Variants in PTPRT observed in about 807,000 individuals in gnomAD.
PTPRT encodes the protein protein tyrosine phosphatase receptor type T.
PTPRT carries 56 observed loss-of-function variants against 176.8 expected under a neutral mutation model. The observed-to-expected ratio is 0.32, with a 90% CI of 0.26 to 0.40. The LOEUF is 0.40. Ranked by LOEUF, PTPRT falls within the 10% of genes least tolerant of loss-of-function variation. The pLI, the probability that PTPRT is intolerant of heterozygous loss-of-function variation, is 1.00. For synonymous variants in PTPRT, 783 were observed against 739.0 expected (o/e 1.06, Z -0.96); for missense variants, 1,540 against 1,908.2 (o/e 0.81, Z 3.60).
chr20:42,706,216 T>TGC (rs1473515485), intron 6 of PTPRT, among the ~76,000 whole-genome samples: 5 of 145,230 alleles, frequency 3.4e-5, no homozygotes, highest in African/African-American at 1.1e-4. Flanking sequence ...TGTGTGTGTG[T>TGC]GTATGTGTGT....
At chr20:42,584,354 T>C (rs896641880) in intron 7 of PTPRT, among the ~76,000 whole-genome samples, 4 of 152,152 alleles carry the variant, frequency 2.6e-5, no homozygotes, top group African/African-American at 9.7e-5. Context: ...CCCACTGGCC[T>C]CCCTGTTCCT....
intron 12 of PTPRT, among the ~76,000 whole-genome samples, chr20:42,289,839 A>G (rs1211951515): frequency 6.6e-6 from 1 of 152,062 alleles, no homozygotes; most frequent in Non-Finnish European, 1.5e-5. Context: ...TCTGTTTTCT[A>G]TGATCTAGAG....
intron 2 of PTPRT, among the ~76,000 whole-genome samples, chr20:42,864,833 C>G (rs1483151385): frequency 6.6e-6 from 1 of 152,164 alleles, no homozygotes; most frequent in Non-Finnish European, 1.5e-5. Flanking sequence ...ATTGCAAAGT[C>G]TAAAAACTTA....
chr20:43,164,070 T>C (rs2014787454), intron 1 of PTPRT, among the ~76,000 whole-genome samples: 1 of 152,232 alleles, frequency 6.6e-6, no homozygotes, highest in South Asian at 2.1e-4. Context: ...CTGATGATTA[T>C]TTGGGATTAT....
chr20:42,374,014 G>T (rs914836765), intron 9 of PTPRT, among the ~76,000 whole-genome samples: 19 of 152,194 alleles, frequency 1.2e-4, no homozygotes, highest in African/African-American at 3.9e-4. Context: ...CCAGGGAGGT[G>T]GGAGCAGAGA....
At chr20:42,912,827 A>T (rs1022805239) in intron 1 of PTPRT, among the ~76,000 whole-genome samples, 1 of 152,230 alleles carries the variant, frequency 6.6e-6, no homozygotes, top group African/African-American at 2.4e-5. Context: ...TTATAAATAC[A>T]TGGCTCTATT....
chr20:42,712,830 T>A (rs552747594), intron 6 of PTPRT, among the ~76,000 whole-genome samples: 3 of 152,298 alleles, frequency 2.0e-5, no homozygotes, highest in South Asian at 4.1e-4. Context: ...TTGCTCAAAG[T>A]AATTCATTGC....
At chr20:42,252,449 G>T (rs2056563465) in intron 13 of PTPRT, among the ~76,000 whole-genome samples, 1 of 152,160 alleles carries the variant, frequency 6.6e-6, no homozygotes, top group Non-Finnish European at 1.5e-5. Flanking sequence ...ATAGAGACTT[G>T]AGGGTCTGCA....
At chr20:42,816,105 C>A (rs561583493) in intron 2 of PTPRT, among the ~76,000 whole-genome samples, 5 of 152,160 alleles carry the variant, frequency 3.3e-5, no homozygotes, top group African/African-American at 1.2e-4. Flanking sequence ...TGAAAAGCCA[C>A]CTCATCTCAG....
chr20:42,842,979 C>G (rs530220596), intron 2 of PTPRT, among the ~76,000 whole-genome samples: 1 of 152,148 alleles, frequency 6.6e-6, no homozygotes, highest in African/African-American at 2.4e-5. Context: ...TGGCAACATA[C>G]GAATTTGGAA....
At chr20:42,817,099 A>G (rs6103051) in intron 2 of PTPRT, among the ~76,000 whole-genome samples, 2,989 of 152,366 alleles carry the variant, frequency 0.02, 98 homozygotes, top group African/African-American at 0.063. Flanking sequence ...GTAAACATTT[A>G]CTATAACAGA....
intron 7 of PTPRT, among the ~76,000 whole-genome samples, chr20:42,515,746 A>T (rs918287909): frequency 6.6e-6 from 1 of 152,084 alleles, no homozygotes; most frequent in African/African-American, 2.4e-5. Context: ...TTGCCATCCC[A>T]TTACTGGGTA....
chr20:42,136,278 C>T (rs556510584), intron 18 of PTPRT, among the ~76,000 whole-genome samples: 1 of 114,264 alleles, frequency 8.8e-6, no homozygotes, highest in Non-Finnish European at 1.7e-5. Flanking sequence ...AGATTTGACT[C>T]ATTACAATGA....
At chr20:42,046,313 G>A in the PTPRT span, among the ~76,000 whole-genome samples, 5 of 152,262 alleles carry the variant, frequency 3.3e-5, no homozygotes, top group African/African-American at 9.6e-5. Flanking sequence ...GAGGCTGCAA[G>A]TGGAGAATTC....
At chr20:42,787,603 T>C (rs1174924212) in intron 3 of PTPRT, among the ~76,000 whole-genome samples, 1 of 152,212 alleles carries the variant, frequency 6.6e-6, no homozygotes, top group Non-Finnish European at 1.5e-5. Context: ...CTACAAATCA[T>C]ACACTGGGTA....
intron 1 of PTPRT, among the ~76,000 whole-genome samples, chr20:42,890,346 C>T (rs1006167903): frequency 1.3e-5 from 2 of 152,182 alleles, no homozygotes; most frequent in African/African-American, 4.8e-5. Flanking sequence ...CTCAAGACTA[C>T]ATAACCCAAT....
chr20:42,420,235 C>A (rs1045840094), intron 9 of PTPRT, among the ~76,000 whole-genome samples: 2 of 152,066 alleles, frequency 1.3e-5, no homozygotes, highest in Non-Finnish European at 2.9e-5. Flanking sequence ...AAAAAGTGAA[C>A]CATTATGTAA....
intron 23 of PTPRT, among the ~76,000 whole-genome samples, chr20:42,107,140 T>C (rs1022927787): frequency 1.6e-4 from 25 of 152,260 alleles, no homozygotes; most frequent in African/African-American, 6.0e-4. Context: ...TACATCCATA[T>C]AGCATAAAAC....
intron 11 of PTPRT, among the ~76,000 whole-genome samples, chr20:42,339,353 G>A (rs932302372): frequency 6.6e-6 from 1 of 152,216 alleles, no homozygotes; most frequent in Admixed American, 6.5e-5. Context: ...GACAGGGATA[G>A]AGAAATAAGC....
Sources: gnomAD v4.1 joint callset for allele counts (sites outside exome capture counted in the v4.1 genomes callset) on GRCh38, gnomAD v4.1.1 for gene constraint, MANE v1.5 for transcripts, NCBI Gene and HGNC (gene_info 2026-07-23, HGNC 2026-07-21) for gene names.